PRKG1: variants seen among roughly 807,000 people sequenced by gnomAD.
PRKG1 encodes the protein cGMP-dependent protein kinase 1.
In PRKG1, 35 loss-of-function variants were observed where a neutral mutation model predicts 88.1. The ratio of observed to expected loss-of-function variants is 0.40; its 90% confidence interval spans 0.30 to 0.53. The LOEUF (loss-of-function observed/expected upper bound fraction) is 0.53. Ranked by LOEUF, PRKG1 falls within the 20% of genes least tolerant of loss-of-function variation. PRKG1 has a pLI of 0.59. For missense variants in PRKG1, 540 were observed against 839.8 expected, an observed-to-expected ratio of 0.64 and a Z score of 4.41; for synonymous variants, 303 against 292.5, an observed-to-expected ratio of 1.04 and a Z score of -0.37.
chr10:51,338,520 A>T (rs888911873), intron 2 of PRKG1, among the ~76,000 whole-genome samples: 6 of 152,216 alleles, frequency 3.9e-5, no homozygotes, highest in African/African-American at 1.2e-4. Flanking sequence ...ATAGCTAGTT[A>T]TGAGATAGAT....
At chr10:51,112,808 T>C (rs1354225950) in intron 1 of PRKG1, among the ~76,000 whole-genome samples, 1 of 152,212 alleles carries the variant, frequency 6.6e-6, no homozygotes, top group Non-Finnish European at 1.5e-5. Flanking sequence ...GAGTTTAGTG[T>C]CGACCATGTT....
At chr10:51,133,620 C>T (rs1845622620) in intron 1 of PRKG1, among the ~76,000 whole-genome samples, 1 of 152,146 alleles carries the variant, frequency 6.6e-6, no homozygotes, top group African/African-American at 2.4e-5. Flanking sequence ...ACTTTCTGGA[C>T]AAGAGTGTGG....
At chr10:51,363,608 G>A (rs1048839741) in intron 2 of PRKG1, among the ~76,000 whole-genome samples, 5 of 151,840 alleles carry the variant, frequency 3.3e-5, no homozygotes, top group East Asian at 3.9e-4. Context: ...GGTTAACTAC[G>A]GCTGCTGTTT....
intron 2 of PRKG1, among the ~76,000 whole-genome samples, chr10:51,376,171 C>A (rs1199412334): frequency 6.6e-6 from 1 of 152,194 alleles, no homozygotes; most frequent in Non-Finnish European, 1.5e-5. Flanking sequence ...GCTACTACAA[C>A]AATGGACCAA....
At chr10:51,657,076 T>G (rs1301778377) in intron 3 of PRKG1, among the ~76,000 whole-genome samples, 1 of 152,118 alleles carries the variant, frequency 6.6e-6, no homozygotes, top group Non-Finnish European at 1.5e-5. Flanking sequence ...TGTCAAGCAT[T>G]TATAATAGAG....
intron 4 of PRKG1, among the ~76,000 whole-genome samples, chr10:51,869,576 CTT>C (rs1371135009): frequency 6.6e-6 from 1 of 151,986 alleles, no homozygotes; most frequent in Non-Finnish European, 1.5e-5. Context: ...GCTCATCTGG[CTT>C]ACCATCATTT....
intron 4 of PRKG1, among the ~76,000 whole-genome samples, chr10:51,841,562 G>A (rs1840275379): frequency 6.6e-6 from 1 of 152,118 alleles, no homozygotes; most frequent in African/African-American, 2.4e-5. Context: ...GATTTTTAAA[G>A]AGAGATTTTT....
intron 3 of PRKG1, among the ~76,000 whole-genome samples, chr10:51,479,785 T>C (rs982850322): frequency 7.0e-6 from 1 of 142,892 alleles, no homozygotes; most frequent in African/African-American, 2.4e-5. Flanking sequence ...GATGAGAGAA[T>C]TGGTGTCTTT....
intron 2 of PRKG1, among the ~76,000 whole-genome samples, chr10:51,410,258 G>GTATA (rs1554805783): frequency 0.016 from 2,258 of 145,474 alleles, 32 homozygotes; most frequent in African/African-American, 0.046. Context: ...GTGTGTGTGT[G>GTATA]TATATATATA....
At chr10:51,339,743 C>A (rs1841962049) in intron 2 of PRKG1, among the ~76,000 whole-genome samples, 1 of 151,906 alleles carries the variant, frequency 6.6e-6, no homozygotes, top group Non-Finnish European at 1.5e-5. Context: ...TCTACAGTAT[C>A]ATTCCAAAAG....
intron 3 of PRKG1, among the ~76,000 whole-genome samples, chr10:51,649,905 A>G (rs1839998719): frequency 6.6e-6 from 1 of 152,210 alleles, no homozygotes. Flanking sequence ...CAAAGGTCAC[A>G]TTCCTGTGCA....
intron 9 of PRKG1, among the ~76,000 whole-genome samples, chr10:52,199,511 A>G (rs1421448512): frequency 6.6e-6 from 1 of 152,158 alleles, no homozygotes; most frequent in African/African-American, 2.4e-5. Context: ...TATTTTAGGG[A>G]AAATTCCCAA....
chr10:51,614,120 GTCTC>G (rs1444329626), intron 3 of PRKG1, among the ~76,000 whole-genome samples: 1 of 151,752 alleles, frequency 6.6e-6, no homozygotes, highest in Non-Finnish European at 1.5e-5. Flanking sequence ...CTGTATTAGA[GTCTC>G]TTTCTTTAGA....
chr10:51,862,886 T>A (rs1485728244), intron 4 of PRKG1, among the ~76,000 whole-genome samples: 1 of 152,200 alleles, frequency 6.6e-6, no homozygotes, highest in Non-Finnish European at 1.5e-5. Flanking sequence ...GTGCCTGGCC[T>A]ATGTAAGTGC....
At chr10:52,166,026 T>C (rs1223692400) in intron 9 of PRKG1, among the ~76,000 whole-genome samples, 2 of 152,190 alleles carry the variant, frequency 1.3e-5, no homozygotes, top group African/African-American at 4.8e-5. Context: ...TTTGCCTATA[T>C]GGCATGCTTA....
chr10:52,082,102 G>A (rs1331541756), intron 7 of PRKG1, among the ~76,000 whole-genome samples: 1 of 152,070 alleles, frequency 6.6e-6, no homozygotes, highest in Non-Finnish European at 1.5e-5. Flanking sequence ...AAGGCGGCAA[G>A]AAGAAGTACT....
chr10:51,163,625 G>A (rs1337785607), intron 2 of PRKG1, among the ~76,000 whole-genome samples: 1 of 152,208 alleles, frequency 6.6e-6, no homozygotes, highest in Non-Finnish European at 1.5e-5. Flanking sequence ...AGGGGTCGGG[G>A]AGTTCCCTTT....
chr10:52,088,433 C>A (rs1226628214), intron 7 of PRKG1, among the ~76,000 whole-genome samples: 1 of 151,646 alleles, frequency 6.6e-6, no homozygotes, highest in Non-Finnish European at 1.5e-5. Flanking sequence ...AATGTTGTGT[C>A]CTCTTCAAAA....
chr10:51,397,124 T>C (rs1469396033), intron 2 of PRKG1, among the ~76,000 whole-genome samples: 4 of 138,250 alleles, frequency 2.9e-5, no homozygotes, highest in Non-Finnish European at 4.7e-5. Flanking sequence ...GATTACTGAG[T>C]ATTTTTTTTT....
Sources: gnomAD v4.1 joint callset for allele counts (sites outside exome capture counted in the v4.1 genomes callset) on GRCh38, gnomAD v4.1.1 for gene constraint, MANE v1.5 for transcripts, NCBI Gene and HGNC (gene_info 2026-07-23, HGNC 2026-07-21) for gene names.